Variants in SRGAP2C observed in about 807,000 individuals in gnomAD.
SRGAP2C encodes SLIT-ROBO Rho GTPase-activating protein 2C.
SRGAP2C carries 15 observed loss-of-function variants against 25.1 expected under a neutral mutation model. The ratio of observed to expected loss-of-function variants is 0.60; its 90% CI spans 0.40 to 0.92. The LOEUF (loss-of-function observed/expected upper bound fraction) is 0.92, where lower values mean the gene tolerates loss of function less well. Ranked by LOEUF, SRGAP2C falls within the 40% of genes least tolerant of loss-of-function variation. SRGAP2C has a pLI of 0.00. For synonymous variants in SRGAP2C, 44 were observed against 96.6 expected (o/e 0.46, Z 3.19); for missense variants, 144 against 264.4 (o/e 0.54, Z 3.16).
intron 2 of SRGAP2C, among the ~76,000 whole-genome samples, chr1:121,257,803 A>G (rs1656511782): frequency 7.5e-6 from 1 of 133,294 alleles, no homozygotes; most frequent in Non-Finnish European, 1.6e-5. Context: ...AGATGGCAGG[A>G]GGTAAGCAGG....
At chr1:121,329,502 G>C (rs1485808735) in intron 4 of SRGAP2C, among the ~76,000 whole-genome samples, 1 of 139,700 alleles carries the variant, frequency 7.2e-6, no homozygotes, top group South Asian at 2.6e-4. Context: ...GGGGCAAGCA[G>C]CTGGAAGTTG....
At chr1:121,359,801 A>G (rs1558127554) in intron 4 of SRGAP2C, among the ~76,000 whole-genome samples, 2 of 152,216 alleles carry the variant, frequency 1.3e-5, no homozygotes, top group African/African-American at 4.8e-5. Flanking sequence ...AAAGAAAAAA[A>G]GAAGATAAAA....
intron 3 of SRGAP2C, among the ~76,000 whole-genome samples, chr1:121,323,349 C>T (rs1160114569): frequency 2.0e-5 from 3 of 152,078 alleles, no homozygotes; most frequent in Admixed American, 6.6e-5. Context: ...GGCGCAGTGG[C>T]TCACTCCTAT....
intron 2 of SRGAP2C, among the ~76,000 whole-genome samples, chr1:121,262,298 G>GCCA (rs1656641892): frequency 7.2e-6 from 1 of 139,138 alleles, no homozygotes; most frequent in South Asian, 2.3e-4. Context: ...AAGATCCTGT[G>GCCA]CCAGAACATT....
rs1655847691 is a variant in SRGAP2C, at chr1:121,232,614, C to T, written c.67+45101C>T. On this transcript the variant is annotated intron_variant, in intron 2 of 9. Transcript: ENST00000367123. ...GTCATGCATAAAGCCCGTGGTTTTG[C>T]TGCATCTAGTTTTACTGAAGCAAAG... 3.4e-5 allele frequency among the ~76,000 whole-genome samples: 5 copies of T among 148,078 alleles called. No homozygotes were observed. In the South Asian group the frequency reaches 1.1e-3, roughly 32 times the overall value.
chr1:121,273,820 T>C (rs1657036784), intron 2 of SRGAP2C, among the ~76,000 whole-genome samples: 1 of 151,772 alleles, frequency 6.6e-6, no homozygotes, highest in South Asian at 2.1e-4. Flanking sequence ...ATTGAATAGG[T>C]CACTCCAAGT....
In SRGAP2C at chr1:121,329,558, T is replaced by A. The variant is rs1553342045; in HGVS notation, c.423+4918T>A. ...GTTTACACTCCTCAGGGGCAAAATA[T>A]CTCTGCCCCCTGTAAGAGGGAAACA... On this transcript the variant is annotated intron_variant, in intron 4 of 9. Transcript: ENST00000367123. 3.1e-3 allele frequency among the ~76,000 whole-genome samples: 435 copies of A among 142,192 alleles called. 2 individuals carry two copies. Among genetic ancestry groups the A allele is most frequent in the African/African-American group, 0.011 (397 of 37,694 alleles). The allele number at this position is 142,192 out of a possible 152,430, so 93.3% of individuals were successfully genotyped here. A position where few individuals can be genotyped will look rare whatever the true frequency, so the allele number is the denominator to read the frequency against.
intron 3 of SRGAP2C, among the ~76,000 whole-genome samples, chr1:121,309,420 C>T (rs1237056842): frequency 9.3e-6 from 1 of 107,148 alleles, no homozygotes; most frequent in Non-Finnish European, 2.0e-5. Flanking sequence ...TACACTGAAT[C>T]ATTCCTTTTT....
At chr1:121,365,186 C>A (rs1459850754) in intron 4 of SRGAP2C, 107 bp from the exon 5 acceptor site, 1 of 344,494 alleles carries the variant, frequency 2.9e-6, no homozygotes, top group African/African-American at 3.7e-5. Flanking sequence ...AAATAATGGG[C>A]CTTAATTGAG....
chr1:121,378,998 C>T (rs1312846715), intron 7 of SRGAP2C, among the ~76,000 whole-genome samples: 2 of 152,136 alleles, frequency 1.3e-5, no homozygotes, highest in African/African-American at 4.8e-5. Context: ...ATGTAATTTT[C>T]CTCCCCCATA....
intron 2 of SRGAP2C, among the ~76,000 whole-genome samples, chr1:121,244,372 T>C (rs1656191911): frequency 8.6e-6 from 1 of 116,444 alleles, no homozygotes; most frequent in Non-Finnish European, 1.8e-5. Flanking sequence ...TTTTTTTTTT[T>C]TTGTCTTCTG....
chr1:121,308,973 A>G (rs1657914565), intron 3 of SRGAP2C, among the ~76,000 whole-genome samples: 1 of 126,668 alleles, frequency 7.9e-6, no homozygotes, highest in African/African-American at 2.9e-5. Flanking sequence ...GTTCCTATTT[A>G]GTATACTAAT....
At chr1:121,370,503 G>A (rs1302122589) in intron 5 of SRGAP2C, among the ~76,000 whole-genome samples, 30 of 129,978 alleles carry the variant, frequency 2.3e-4, no homozygotes, top group East Asian at 1.7e-3. Flanking sequence ...GTGCAGTGGC[G>A]TGATCTCGGC....
At chr1:121,243,999 CAGT>C (rs1656180096) in intron 2 of SRGAP2C, among the ~76,000 whole-genome samples, 1 of 145,306 alleles carries the variant, frequency 6.9e-6, no homozygotes, top group Non-Finnish European at 1.5e-5. Flanking sequence ...AGCATATTGA[CAGT>C]ATTGGAGGAA....
chr1:121,304,146 G>T (rs1489884536), intron 3 of SRGAP2C, among the ~76,000 whole-genome samples: 3 of 148,470 alleles, frequency 2.0e-5, no homozygotes, highest in Admixed American at 1.4e-4. Flanking sequence ...GGGAGGTGGA[G>T]CTTGCAGTGA....
chr1:121,218,384 A>AT (rs1388992066), intron 2 of SRGAP2C, among the ~76,000 whole-genome samples: 17 of 65,432 alleles, frequency 2.6e-4, no homozygotes, highest in African/African-American at 8.8e-4. Flanking sequence ...ATTTATTTTA[A>AT]TTTTTTTTTG....
chr1:121,268,510 C>G (rs587706939), intron 2 of SRGAP2C, among the ~76,000 whole-genome samples: 1 of 149,460 alleles, frequency 6.7e-6, no homozygotes, highest in Non-Finnish European at 1.5e-5. Flanking sequence ...GAGGAGGCAG[C>G]AAGACCAGTT....
chr1:121,389,126 ATATAAT>A lies in SRGAP2C; in HGVS notation c.*1278_*1283del, dbSNP rs1410710084. On this transcript the variant is annotated 3_prime_UTR_variant, in exon 10 of 10. Transcript: ENST00000367123. ...TACATATTGTTTTACAATCTAAGTC[ATATAAT>A]TATAATATTCTTTAAGCATATTTAT... 4 of 152,150 alleles carry A rather than the reference ATATAAT, an allele frequency of 2.6e-5. No individual in the cohort carries two copies. Among genetic ancestry groups the A allele is most frequent in the African/African-American group, 7.2e-5 (3 of 41,452 alleles). The allele number at this position is 152,150 out of a possible 1,614,324, so 9.4% of individuals were successfully genotyped here. A position where few individuals can be genotyped will look rare whatever the true frequency, so the allele number is the denominator to read the frequency against.
At chr1:121,370,779 G>C (rs1375325889) in intron 5 of SRGAP2C, among the ~76,000 whole-genome samples, 1 of 149,914 alleles carries the variant, frequency 6.7e-6, no homozygotes, top group African/African-American at 2.5e-5. Context: ...TTTGTGTTTA[G>C]CTCTACCTTC....
Sources: gnomAD v4.1 joint callset for allele counts (sites outside exome capture counted in the v4.1 genomes callset) on GRCh38, gnomAD v4.1.1 for gene constraint, MANE v1.5 for transcripts, NCBI Gene and HGNC (gene_info 2026-07-23, HGNC 2026-07-21) for gene names.